The following INPP4B variants were observed in gnomAD, a reference collection of about 807,000 sequenced individuals.
INPP4B encodes the protein inositol polyphosphate-4-phosphatase type II B, also known as inositol polyphosphate 4-phosphatase type II.
In INPP4B, 55 loss-of-function variants were observed where a neutral mutation model predicts 122.5. The ratio of observed to expected loss-of-function variants is 0.45; its 90% CI spans 0.36 to 0.56. The LOEUF is 0.56. Ranked by LOEUF, INPP4B falls within the 20% of genes least tolerant of loss-of-function variation. The pLI is 0.00. For missense variants in INPP4B, 1,000 were observed against 1,097.7 expected, an observed-to-expected ratio of 0.91 and a Z score of 1.26; for synonymous variants, 403 against 388.7, an observed-to-expected ratio of 1.04 and a Z score of -0.43.
intron 22 of INPP4B, among the ~76,000 whole-genome samples, chr4:142,110,559 A>C (rs1470554147): frequency 2.0e-5 from 3 of 152,186 alleles, no homozygotes; most frequent in Non-Finnish European, 4.4e-5. Context: ...AATCAGAAAA[A>C]GGAGGTTCAG....
intron 1 of INPP4B, among the ~76,000 whole-genome samples, chr4:142,806,515 G>A (rs1778743341): frequency 6.6e-6 from 1 of 151,812 alleles, no homozygotes; most frequent in African/African-American, 2.4e-5. Context: ...GCCAAGGGGG[G>A]TGAATCACTT....
At chr4:142,555,188 G>A (rs565012230) in intron 2 of INPP4B, among the ~76,000 whole-genome samples, 8 of 152,330 alleles carry the variant, frequency 5.3e-5, no homozygotes, top group Non-Finnish European at 1.2e-4. Flanking sequence ...ATGAGACAGA[G>A]TGGGAAATAG....
intron 1 of INPP4B, among the ~76,000 whole-genome samples, chr4:142,759,139 T>C (rs1032606206): frequency 6.6e-6 from 1 of 152,152 alleles, no homozygotes; most frequent in Non-Finnish European, 1.5e-5. Flanking sequence ...TCTCAAGAGT[T>C]AGTTTGACTT....
intron 1 of INPP4B, among the ~76,000 whole-genome samples, chr4:142,802,823 C>T (rs1014249959): frequency 1.3e-5 from 2 of 151,036 alleles, no homozygotes; most frequent in African/African-American, 2.4e-5. Context: ...TATTTTTGTG[C>T]CTTCCCTGTG....
chr4:142,481,047 A>G (rs1025873869), intron 2 of INPP4B, among the ~76,000 whole-genome samples: 1 of 151,130 alleles, frequency 6.6e-6, no homozygotes, highest in African/African-American at 2.4e-5. Flanking sequence ...AGGCAGGAGA[A>G]TCACTTGAAC....
chr4:142,756,577 T>C (rs1315106886), intron 1 of INPP4B, among the ~76,000 whole-genome samples: 2 of 152,038 alleles, frequency 1.3e-5, no homozygotes, highest in Non-Finnish European at 2.9e-5. Context: ...CCAAACTCTG[T>C]GGGCATAGAT....
intron 2 of INPP4B, among the ~76,000 whole-genome samples, chr4:142,717,575 T>G (rs771316692): frequency 7.2e-5 from 11 of 152,250 alleles, no homozygotes; most frequent in African/African-American, 2.4e-4. Context: ...AAAGGATTAG[T>G]TCTTGTCCTT....
At chr4:142,029,729 T>C in intron 25 of INPP4B, 2 of 990,726 alleles carry the variant, frequency 2.0e-6, no homozygotes, top group Non-Finnish European at 2.4e-6. Flanking sequence ...GGAAATAAAG[T>C]CTGCAACCTC....
In INPP4B at chr4:142,027,692, T is replaced by C. The variant is rs1030860666; in HGVS notation, c.*1090A>G. On this transcript the variant is annotated 3_prime_UTR_variant, in exon 26 of 26. Transcript: ENST00000262992. ...GTGATTAACCTTACCCATGTTTGAA[T>C]ACTGGTATTATACAAGATGATTTTT... 5 of 152,346 alleles carry C rather than the reference T, an allele frequency of 3.3e-5. No homozygotes were observed. The highest frequency in any genetic ancestry group is 1.2e-4 in the African/African-American group (5 of 41,478). The allele number at this position is 152,346 out of a possible 1,614,324, so 9.4% of individuals were successfully genotyped here. A position where few individuals can be genotyped will look rare whatever the true frequency, so the allele number is the denominator to read the frequency against.
chr4:142,707,523 G>A (rs1457486511), intron 2 of INPP4B, among the ~76,000 whole-genome samples: 1 of 152,130 alleles, frequency 6.6e-6, no homozygotes, highest in African/African-American at 2.4e-5. Flanking sequence ...GATAGTGAGC[G>A]AGTTCTCATG....
chr4:142,420,900 T>C (rs927981316), intron 5 of INPP4B, among the ~76,000 whole-genome samples: 1 of 152,186 alleles, frequency 6.6e-6, no homozygotes, highest in Admixed American at 6.6e-5. Flanking sequence ...GTTTTGAGTG[T>C]GATAAAGTCA....
intron 2 of INPP4B, among the ~76,000 whole-genome samples, chr4:142,681,027 G>A (rs555186227): frequency 6.3e-4 from 96 of 151,944 alleles, no homozygotes; most frequent in African/African-American, 2.2e-3. Flanking sequence ...CAGGAGCCAA[G>A]AAGAATAGTT....
intron 2 of INPP4B, among the ~76,000 whole-genome samples, chr4:142,571,491 T>C (rs1415416583): frequency 6.6e-6 from 1 of 152,158 alleles, no homozygotes; most frequent in Non-Finnish European, 1.5e-5. Flanking sequence ...GTAATGATTA[T>C]ATATAATCAT....
At chr4:142,535,837 G>T (rs925920515) in intron 2 of INPP4B, among the ~76,000 whole-genome samples, 1 of 151,682 alleles carries the variant, frequency 6.6e-6, no homozygotes, top group African/African-American at 2.4e-5. Flanking sequence ...TCTAAAATAA[G>T]TTTCCCAAAT....
chr4:142,234,538 G>A (rs1855845567), intron 12 of INPP4B, among the ~76,000 whole-genome samples: 1 of 152,006 alleles, frequency 6.6e-6, no homozygotes, highest in South Asian at 2.1e-4. Context: ...GAGTCTCCAG[G>A]AAGAATTTTA....
intron 14 of INPP4B, among the ~76,000 whole-genome samples, chr4:142,205,780 C>T (rs1842363216): frequency 2.0e-5 from 3 of 152,140 alleles, no homozygotes; most frequent in Admixed American, 2.0e-4. Flanking sequence ...TTCATTTTGC[C>T]TATTAGAATA....
At chr4:142,403,246 T>TA (rs1802237310) in intron 6 of INPP4B, among the ~76,000 whole-genome samples, 192 bp from the exon 7 acceptor site, 1 of 152,230 alleles carries the variant, frequency 6.6e-6, no homozygotes, top group African/African-American at 2.4e-5. Flanking sequence ...AAGGAAGTGA[T>TA]ACAACTGCTG....
At chr4:142,589,266 G>A (rs557851260) in intron 2 of INPP4B, among the ~76,000 whole-genome samples, 19 of 152,080 alleles carry the variant, frequency 1.2e-4, no homozygotes, top group African/African-American at 4.3e-4. Flanking sequence ...AACCATAAAA[G>A]TTCAAGCTGT....
intron 17 of INPP4B, among the ~76,000 whole-genome samples, chr4:142,152,715 T>C (rs1033858015): frequency 1.3e-5 from 2 of 152,114 alleles, no homozygotes; most frequent in Non-Finnish European, 2.9e-5. Context: ...TGCCTCAGCC[T>C]CCCAAGTAGC....
Sources: gnomAD v4.1 joint callset for allele counts (sites outside exome capture counted in the v4.1 genomes callset) on GRCh38, gnomAD v4.1.1 for gene constraint, MANE v1.5 for transcripts, NCBI Gene and HGNC (gene_info 2026-07-23, HGNC 2026-07-21) for gene names.